The following CNTN4 variants were observed in gnomAD, a reference collection of about 807,000 sequenced individuals.
CNTN4 encodes contactin-4.
In CNTN4, 77 loss-of-function variants were observed where a neutral mutation model predicts 122.5. The ratio of observed to expected loss-of-function variants is 0.63; its 90% CI spans 0.52 to 0.76. The LOEUF is 0.76. Among genes scored for constraint, CNTN4 ranks in the 30% least tolerant of loss-of-function variants. The probability of loss-of-function intolerance (pLI) is 0.00; values close to 1 mark genes in which losing one functional copy is unlikely to be tolerated. For synonymous variants in CNTN4, 512 were observed against 447.0 expected, an observed-to-expected ratio of 1.15 and a Z score of -1.83; for missense variants, 1,256 against 1,259.1, an observed-to-expected ratio of 1.00 and a Z score of 0.04.
At chr3:2,554,763 C>G (rs2078652812) in intron 3 of CNTN4, among the ~76,000 whole-genome samples, 1 of 152,100 alleles carries the variant, frequency 6.6e-6, no homozygotes, top group Non-Finnish European at 1.5e-5. Context: ...GCCTTTGGGT[C>G]TGGGATTTGG....
chr3:2,259,743 A>T (rs1475375885), intron 2 of CNTN4, among the ~76,000 whole-genome samples: 2 of 152,144 alleles, frequency 1.3e-5, no homozygotes, highest in African/African-American at 4.8e-5. Context: ...CTCCCACAAC[A>T]TGTGGGAATT....
intron 6 of CNTN4, among the ~76,000 whole-genome samples, chr3:2,811,822 T>C (rs1462923909): frequency 7.2e-5 from 11 of 151,906 alleles, no homozygotes; most frequent in Non-Finnish European, 1.5e-4. Flanking sequence ...CATGTCACCA[T>C]ACCCAGCTAA....
intron 16 of CNTN4, among the ~76,000 whole-genome samples, chr3:3,032,101 T>G (rs1320195803): frequency 1.3e-5 from 2 of 152,148 alleles, no homozygotes; most frequent in Non-Finnish European, 2.9e-5. Context: ...CCCCTTTCAA[T>G]TGCCTTTAAA....
intron 4 of CNTN4, among the ~76,000 whole-genome samples, chr3:2,631,822 A>G (rs1337711928): frequency 6.7e-6 from 1 of 148,150 alleles, no homozygotes; most frequent in African/African-American, 2.5e-5. Context: ...TAAACCCAAG[A>G]GTTCAAGACC....
At chr3:2,869,732 T>C (rs574286585) in intron 8 of CNTN4, among the ~76,000 whole-genome samples, 9 of 152,336 alleles carry the variant, frequency 5.9e-5, no homozygotes, top group African/African-American at 1.9e-4. Context: ...CATCCGACTT[T>C]GTACTGCGCT....
At chr3:2,238,673 C>T (rs1056723486) in intron 2 of CNTN4, among the ~76,000 whole-genome samples, 2 of 150,662 alleles carry the variant, frequency 1.3e-5, no homozygotes, top group Admixed American at 6.7e-5. Context: ...GTTTTGGAAC[C>T]TAACTTACTC....
chr3:2,803,257 A>G (rs1365491067), intron 6 of CNTN4, among the ~76,000 whole-genome samples: 2 of 152,236 alleles, frequency 1.3e-5, no homozygotes, highest in African/African-American at 4.8e-5. Context: ...CACCAGATTG[A>G]CATAAACTAA....
chr3:3,013,969 A>G (rs946776414), intron 14 of CNTN4, among the ~76,000 whole-genome samples: 3 of 151,850 alleles, frequency 2.0e-5, no homozygotes, highest in African/African-American at 7.3e-5. Flanking sequence ...GAGCTATTAG[A>G]TTCTAATGGA....
chr3:2,877,069 A>T (rs2093852964), intron 8 of CNTN4, among the ~76,000 whole-genome samples: 1 of 152,208 alleles, frequency 6.6e-6, no homozygotes, highest in Non-Finnish European at 1.5e-5. Flanking sequence ...GTTTTAGGAA[A>T]AATACTTAAG....
At chr3:3,015,494 G>A (rs901834483) in intron 14 of CNTN4, among the ~76,000 whole-genome samples, 1 of 152,080 alleles carries the variant, frequency 6.6e-6, no homozygotes, top group African/African-American at 2.4e-5. Context: ...TATGCTCCTC[G>A]GTGACCTCAT....
At chr3:2,752,844 CT>C (rs1489082396) in intron 6 of CNTN4, among the ~76,000 whole-genome samples, 1 of 152,174 alleles carries the variant, frequency 6.6e-6, no homozygotes, top group Admixed American at 6.5e-5. Context: ...ACTTATTTAG[CT>C]TCCACATACA....
intron 7 of CNTN4, among the ~76,000 whole-genome samples, chr3:2,819,875 A>T (rs998366320): frequency 6.6e-6 from 1 of 152,168 alleles, no homozygotes; most frequent in African/African-American, 2.4e-5. Flanking sequence ...AACGACTCAT[A>T]CTTCTTACAA....
intron 2 of CNTN4, among the ~76,000 whole-genome samples, chr3:2,159,274 G>T (rs560500072): frequency 2.6e-5 from 4 of 152,204 alleles, no homozygotes; most frequent in African/African-American, 9.6e-5. Flanking sequence ...AAAATAATAA[G>T]CCCCAACATA....
chr3:2,825,555 G>C (rs1447219550), intron 7 of CNTN4, among the ~76,000 whole-genome samples: 1 of 152,112 alleles, frequency 6.6e-6, no homozygotes, highest in Non-Finnish European at 1.5e-5. Flanking sequence ...CAAGTGTGGT[G>C]GTGTGTGCCT....
chr3:2,519,488 C>T (rs1272372385), intron 3 of CNTN4, among the ~76,000 whole-genome samples: 1 of 152,152 alleles, frequency 6.6e-6, no homozygotes, highest in Non-Finnish European at 1.5e-5. Flanking sequence ...CATATGGGTT[C>T]CCTTCTCTGG....
chr3:2,980,653 G>A (rs1437872750), intron 13 of CNTN4, among the ~76,000 whole-genome samples: 1 of 152,096 alleles, frequency 6.6e-6, no homozygotes, highest in Non-Finnish European at 1.5e-5. Flanking sequence ...TTAAGGACAC[G>A]GGCACACACA....
At chr3:2,996,337 T>A (rs758361839) in intron 14 of CNTN4, among the ~76,000 whole-genome samples, 2 of 152,160 alleles carry the variant, frequency 1.3e-5, no homozygotes, top group African/African-American at 4.8e-5. Context: ...CAGGTCAGAA[T>A]CCTACATGGT....
intron 6 of CNTN4, among the ~76,000 whole-genome samples, chr3:2,803,415 G>T (rs918567209): frequency 2.0e-5 from 3 of 152,116 alleles, no homozygotes; most frequent in African/African-American, 7.2e-5. Flanking sequence ...AAATATACAG[G>T]CTGTAGACCA....
chr3:2,834,178 A>G (rs12637144), intron 7 of CNTN4, among the ~76,000 whole-genome samples: 69,671 of 151,898 alleles, frequency 0.46, 18,253 homozygotes, highest in East Asian at 0.78. Context: ...AATTAAAAAC[A>G]TATCACAATT....
Sources: gnomAD v4.1 joint callset for allele counts (sites outside exome capture counted in the v4.1 genomes callset) on GRCh38, gnomAD v4.1.1 for gene constraint, MANE v1.5 for transcripts, NCBI Gene and HGNC (gene_info 2026-07-23, HGNC 2026-07-21) for gene names.